The following CDH3 variants were observed in gnomAD, a reference collection of about 807,000 sequenced individuals.
CDH3 encodes cadherin-3.
In CDH3, 54 loss-of-function variants were observed where a neutral mutation model predicts 82.0. The observed-to-expected ratio is 0.66, with a 90% CI of 0.53 to 0.83. The LOEUF is 0.83. Among genes scored for constraint, CDH3 ranks in the 40% least tolerant of loss-of-function variants. The pLI is 0.00. For synonymous variants in CDH3, 446 were observed against 437.9 expected, an observed-to-expected ratio of 1.02 and a Z score of -0.23; for missense variants, 1,054 against 1,084.6, an observed-to-expected ratio of 0.97 and a Z score of 0.40.
chr16:68,709,335 G>A (rs1232269381), intron 1 of CDH3, among the ~76,000 whole-genome samples: 1 of 152,166 alleles, frequency 6.6e-6, no homozygotes. Flanking sequence ...GCCTCCCAAA[G>A]TGTTGGGATT....
In CDH3 at chr16:68,699,651, T is replaced by A. The variant is rs78989023; in HGVS notation, c.*1251T>A. On this transcript the variant is annotated 3_prime_UTR_variant, in exon 16 of 16. Coordinates refer to ENST00000264012, the MANE Select transcript of CDH3 (RefSeq NM_001793.6). ...GGTGCCTGCCACTATGCCCAGCTAA[T>A]TTTTTTTGAGTGTGTGTGTTTTTTT... is the stretch of plus-strand genomic sequence containing the variant. 2 of 152,000 alleles carry A rather than the reference T, an allele frequency of 1.3e-5. No homozygotes were observed. The highest frequency in any genetic ancestry group is 4.8e-5 in the African/African-American group (2 of 41,494). 9.4% of individuals were successfully genotyped at this position (152,000 alleles called of 1,614,324 possible). A position where few individuals can be genotyped will look rare whatever the true frequency, so the allele number is the denominator to read the frequency against.
intron 2 of CDH3, among the ~76,000 whole-genome samples, chr16:68,723,888 T>G (rs1186739142): frequency 6.6e-6 from 1 of 151,902 alleles, no homozygotes; most frequent in East Asian, 1.9e-4. Context: ...GCTAAAACGG[T>G]GAAACCCCGT....
intron 2 of CDH3, among the ~76,000 whole-genome samples, chr16:68,647,204 G>A (rs1054629788): frequency 1.3e-5 from 2 of 152,036 alleles, no homozygotes; most frequent in Non-Finnish European, 2.9e-5. Context: ...ATCCAATTCC[G>A]GCTCCCTGAG....
intron 2 of CDH3, among the ~76,000 whole-genome samples, chr16:68,663,747 G>T (rs577434994): frequency 2.6e-5 from 4 of 151,928 alleles, no homozygotes; most frequent in Admixed American, 2.6e-4. Context: ...GGAAGAAGCA[G>T]CTGCTAGCTA....
In CDH3 at chr16:68,699,771, G is replaced by A. The variant is rs1420084744; in HGVS notation, c.*1371G>A. ...GGCCTCCCAAAGTGCTAGGATTACA[G>A]GCTTGAGCCACCGCGCCCAGCGCTG... On this transcript the variant is annotated 3_prime_UTR_variant, in exon 16 of 16. Transcript: ENST00000264012. The A allele has an allele frequency of 6.6e-6, 1 of 152,188 alleles. No homozygotes were observed. The highest frequency in any genetic ancestry group is 1.5e-5 in the Non-Finnish European group (1 of 68,044). The allele number at this position is 152,188 out of a possible 1,614,324, so 9.4% of individuals were successfully genotyped here. A position where few individuals can be genotyped will look rare whatever the true frequency, so the allele number is the denominator to read the frequency against.
At chr16:68,695,513 T>G (rs1339925379) in intron 14 of CDH3, 128 bp downstream of exon 14, 7 of 988,518 alleles carry the variant, frequency 7.1e-6, no homozygotes, top group Non-Finnish European at 9.0e-6. Flanking sequence ...GCGTCTTCCT[T>G]TTCTAACATC....
intron 2 of CDH3, among the ~76,000 whole-genome samples, chr16:68,662,208 G>A (rs557399524): frequency 6.6e-6 from 1 of 152,200 alleles, no homozygotes; most frequent in Admixed American, 6.5e-5. Flanking sequence ...TCCAGACAGA[G>A]GGAGTAGTGT....
At chr16:68,710,200 A>G (rs529598304) in intron 1 of CDH3, among the ~76,000 whole-genome samples, 1 of 152,266 alleles carries the variant, frequency 6.6e-6, no homozygotes, top group South Asian at 2.1e-4. Context: ...TGCACCCTCT[A>G]TGGCCACAGC....
At chr16:68,703,361 C>T (rs761043114), downstream of CDH3, among the ~76,000 whole-genome samples, 1 of 152,222 alleles carries the variant, frequency 6.6e-6, no homozygotes, top group African/African-American at 2.4e-5. Context: ...AGCCCGGGGA[C>T]TGCTGGGGGG....
At chr16:68,709,390 T>C (rs1374754208) in intron 1 of CDH3, among the ~76,000 whole-genome samples, 1 of 151,864 alleles carries the variant, frequency 6.6e-6, no homozygotes, top group East Asian at 1.9e-4. Flanking sequence ...CTCTTGTCAA[T>C]TAGAGTGCTG....
intron 9 of CDH3, among the ~76,000 whole-genome samples, chr16:68,683,674 AAAAAAAG>A (rs1961298599): frequency 8.9e-5 from 1 of 11,194 alleles, no homozygotes; most frequent in Non-Finnish European, 2.1e-4. Context: ...AAAAAAAAAA[AAAAAAAG>A]AAAATCCAGC....
chr16:68,701,401 C>T (rs1490040613), downstream of CDH3, among the ~76,000 whole-genome samples: 2 of 152,176 alleles, frequency 1.3e-5, no homozygotes, highest in Non-Finnish European at 2.9e-5. Flanking sequence ...GGTAAGACAC[C>T]AGCGCTAACC....
At chr16:68,646,778 C>A (rs528163136) in intron 2 of CDH3, among the ~76,000 whole-genome samples, 1 of 152,048 alleles carries the variant, frequency 6.6e-6, no homozygotes, top group African/African-American at 2.4e-5. Context: ...GGGAAGGAAC[C>A]GTGGCTTACC....
chr16:68,708,161 C>G (rs1342866174), intron 1 of CDH3, among the ~76,000 whole-genome samples: 1 of 152,044 alleles, frequency 6.6e-6, no homozygotes, highest in Non-Finnish European at 1.5e-5. Context: ...AAACCCATGT[C>G]TACTAAAAAT....
rs1241930259 is a variant in CDH3 at position 68,707,033 on chromosome 16, G to A, written c.99+11110G>A. Among the ~76,000 whole-genome samples, 1 of 152,184 alleles carries A rather than the reference G, an allele frequency of 6.6e-6. No individual in the cohort carries two copies. The highest frequency in any genetic ancestry group is 2.4e-5 in the African/African-American group (1 of 41,442). On this transcript the variant is annotated intron_variant, in intron 1 of 2. Transcript: ENST00000569080. The surrounding 1 kb of genome is among the most constrained non-coding windows in gnomAD (Gnocchi z 4.5). ...ATGGAGCTGGGATGGGGCCTAGGGA[G>A]GAAGGGCCTGGGGGTAGGGCTCAGT...
chr16:68,654,702 C>CAAAAA (rs199604730), intron 2 of CDH3, among the ~76,000 whole-genome samples: 1 of 124,280 alleles, frequency 8.0e-6, no homozygotes, highest in African/African-American at 3.2e-5. Context: ...GACTCTGTCT[C>CAAAAA]AAAAAAAAAA....
intron 2 of CDH3, among the ~76,000 whole-genome samples, chr16:68,652,259 G>A (rs1239048482): frequency 6.6e-6 from 1 of 152,112 alleles, no homozygotes; most frequent in Non-Finnish European, 1.5e-5. Context: ...AGCAGAGTAG[G>A]GTTAACTTGC....
chr16:68,706,289 G>T (rs1961963044), intron 1 of CDH3, among the ~76,000 whole-genome samples: 1 of 152,012 alleles, frequency 6.6e-6, no homozygotes, highest in South Asian at 2.1e-4. Context: ...GTGCCTCCGT[G>T]GGGAGGGTGA....
chr16:68,645,901 G>T lies in CDH3; in HGVS notation c.160+151G>T, dbSNP rs1228400987. Reference sequence around the variant, plus strand: ...AGAACGCGCCTCGGGGGCTGGGATTGGGGGTGGTGGCTGACGGAGAAGGCT... The same window carrying T: ...AGAACGCGCCTCGGGGGCTGGGATTTGGGGTGGTGGCTGACGGAGAAGGCT... On this transcript the variant is annotated intron_variant, in intron 2 of 15. Transcript: ENST00000264012. 6.3e-6 allele frequency: 4 copies of T among 631,446 alleles called. No homozygotes were observed. In the South Asian group the frequency reaches 7.8e-5, roughly 12 times the overall value. The allele number at this position is 631,446 out of a possible 1,614,324, so 39.1% of individuals were successfully genotyped here. A position where few individuals can be genotyped will look rare whatever the true frequency, so the allele number is the denominator to read the frequency against.
Sources: gnomAD v4.1 joint callset for allele counts (sites outside exome capture counted in the v4.1 genomes callset) on GRCh38, gnomAD v4.1.1 for gene constraint, Gnocchi (gnomAD v3.1) non-coding constraint, MANE v1.5 for transcripts, NCBI Gene and HGNC (gene_info 2026-07-23, HGNC 2026-07-21) for gene names.